The following SPMIP4 variants were observed in gnomAD, a reference collection of about 807,000 sequenced individuals.
SPMIP4 encodes sperm microtubule inner protein 4, also known as sperm-associated microtubule inner protein 4.
At chr7:25,150,620 T>G in the SPMIP4 span, among the ~76,000 whole-genome samples, 1 of 152,230 alleles carries the variant, frequency 6.6e-6, no homozygotes, top group African/African-American at 2.4e-5. Flanking sequence ...ATGTTAGCTA[T>G]TATTATTTTC....
chr7:25,163,109 C>T, the SPMIP4 span, among the ~76,000 whole-genome samples: 3 of 152,120 alleles, frequency 2.0e-5, no homozygotes, highest in Non-Finnish European at 2.9e-5. This position sits in a 1 kb window ranked among gnomAD's most constrained non-coding sequence, Gnocchi z 4.4. Flanking sequence ...AAGCCTTGTA[C>T]AAGGATGCTT....
At chr7:25,136,029 C>T in the SPMIP4 span, 2 of 1,613,594 alleles carry the variant, frequency 1.2e-6, no homozygotes, top group Non-Finnish European at 1.7e-6. This position sits in a 1 kb window ranked among gnomAD's most constrained non-coding sequence, Gnocchi z 5.7. Flanking sequence ...TCCCCGAATG[C>T]TCATTATCCC....
chr7:25,161,775 G>GA, the SPMIP4 span, among the ~76,000 whole-genome samples: 1,157 of 152,062 alleles, frequency 7.6e-3, 37 homozygotes, highest in South Asian at 0.062. Context: ...TTTTAATATA[G>GA]AAAAAATTCA....
At chr7:25,132,373 G>A in the SPMIP4 span, among the ~76,000 whole-genome samples, 1 of 152,140 alleles carries the variant, frequency 6.6e-6, no homozygotes, top group Non-Finnish European at 1.5e-5. The surrounding 1 kb of genome is among the most constrained non-coding windows in gnomAD (Gnocchi z 5.0). Context: ...TATAACTATT[G>A]TTGTGTGCAT....
chr7:25,164,080 A>T, the SPMIP4 span, among the ~76,000 whole-genome samples: 1 of 152,168 alleles, frequency 6.6e-6, no homozygotes, highest in Non-Finnish European at 1.5e-5. Context: ...AGAGTGTGGG[A>T]CACGCTCTGA....
the SPMIP4 span, among the ~76,000 whole-genome samples, chr7:25,139,511 G>A: frequency 1.3e-5 from 2 of 152,064 alleles, no homozygotes. Flanking sequence ...TGACAGCAGA[G>A]ATAATACAAA....
At chr7:25,171,116 G>A in the SPMIP4 span, among the ~76,000 whole-genome samples, 2 of 152,290 alleles carry the variant, frequency 1.3e-5, no homozygotes, top group South Asian at 2.1e-4. Flanking sequence ...CTATTCAATT[G>A]TTACCTTGTA....
At chr7:25,129,368 C>T in the SPMIP4 span, among the ~76,000 whole-genome samples, 4 of 152,198 alleles carry the variant, frequency 2.6e-5, no homozygotes, top group Non-Finnish European at 4.4e-5. Context: ...TCCCTCTGGG[C>T]ACTGGCTGAT....
the SPMIP4 span, among the ~76,000 whole-genome samples, chr7:25,165,000 CCA>C: frequency 6.6e-6 from 1 of 152,198 alleles, no homozygotes; most frequent in Admixed American, 6.5e-5. Context: ...TATATCTATG[CCA>C]CATTTTCTCC....
the SPMIP4 span, chr7:25,136,119 C>T: frequency 6.2e-7 from 1 of 1,614,158 alleles, no homozygotes; most frequent in Non-Finnish European, 8.5e-7. This position sits in a 1 kb window ranked among gnomAD's most constrained non-coding sequence, Gnocchi z 5.7. Context: ...TCTTAAGCTC[C>T]AGCAGGTTGG....
the SPMIP4 span, among the ~76,000 whole-genome samples, chr7:25,174,233 C>T: frequency 6.6e-6 from 1 of 151,536 alleles, no homozygotes; most frequent in African/African-American, 2.4e-5. The surrounding 1 kb of genome is among the most constrained non-coding windows in gnomAD (Gnocchi z 4.5). Context: ...TCTTTTCCTC[C>T]CCCTCTCTCT....
At chr7:25,131,809 C>T in the SPMIP4 span, among the ~76,000 whole-genome samples, 198 of 152,300 alleles carry the variant, frequency 1.3e-3, no homozygotes, top group Middle Eastern at 0.01. This position sits in a 1 kb window ranked among gnomAD's most constrained non-coding sequence, Gnocchi z 4.2. Flanking sequence ...TCAATTAGGA[C>T]GAACCCAGGC....
the SPMIP4 span, chr7:25,168,385 AT>A: frequency 1.9e-6 from 3 of 1,613,288 alleles, no homozygotes; most frequent in Non-Finnish European, 2.5e-6. Flanking sequence ...GGGGAGTGAA[AT>A]CGGTATTATC....
chr7:25,179,170 T>C, the SPMIP4 span: 1 of 1,587,860 alleles, frequency 6.3e-7, no homozygotes, highest in African/African-American at 1.4e-5. Context: ...TAGTTTTTGT[T>C]TTACCTGTCC....
chr7:25,171,993 C>T, the SPMIP4 span, among the ~76,000 whole-genome samples: 208 of 151,982 alleles, frequency 1.4e-3, 1 homozygote, highest in African/African-American at 4.5e-3. Context: ...AGGATTCTTG[C>T]GGGAAATCAC....
the SPMIP4 span, among the ~76,000 whole-genome samples, chr7:25,148,630 A>G: frequency 2.0e-5 from 3 of 151,854 alleles, no homozygotes; most frequent in Non-Finnish European, 4.4e-5. Context: ...ATGCCCCACC[A>G]TGCCCAACTA....
At chr7:25,129,656 A>G in the SPMIP4 span, among the ~76,000 whole-genome samples, 4 of 151,914 alleles carry the variant, frequency 2.6e-5, no homozygotes, top group Non-Finnish European at 1.5e-5. Flanking sequence ...TAGTTGTTCA[A>G]TTTGTTGTTC....
At chr7:25,135,797 A>G in the SPMIP4 span, 1 of 1,337,452 alleles carries the variant, frequency 7.5e-7, no homozygotes, top group African/African-American at 1.5e-5. Flanking sequence ...TCATAACATC[A>G]CCTTTTCTGG....
chr7:25,133,145 G>C, the SPMIP4 span, among the ~76,000 whole-genome samples: 1 of 152,202 alleles, frequency 6.6e-6, no homozygotes, highest in Non-Finnish European at 1.5e-5. Flanking sequence ...GAGGAGGTAG[G>C]AGGGAAGGAA....
Sources: gnomAD v4.1 joint callset for allele counts (sites outside exome capture counted in the v4.1 genomes callset) on GRCh38, gnomAD v4.1.1 for gene constraint, Gnocchi (gnomAD v3.1) non-coding constraint, MANE v1.5 for transcripts, NCBI Gene and HGNC (gene_info 2026-07-23, HGNC 2026-07-21) for gene names.